CGAS: variants seen among roughly 807,000 people sequenced by gnomAD.
The protein encoded by CGAS is 2'3'-cGAMP synthase.
CGAS carries 31 observed loss-of-function variants against 34.0 expected under a neutral mutation model. The observed-to-expected ratio is 0.91, with a 90% CI of 0.69 to 1.23. The LOEUF (loss-of-function observed/expected upper bound fraction) is 1.23. CGAS is among the 50% of genes most tolerant of loss of function. The probability of loss-of-function intolerance (pLI) is 0.00; values close to 1 mark genes in which losing one functional copy is unlikely to be tolerated. For synonymous variants in CGAS, 266 were observed against 260.0 expected, an observed-to-expected ratio of 1.02 and a Z score of -0.22; for missense variants, 597 against 657.6, an observed-to-expected ratio of 0.91 and a Z score of 1.01.
At chr6:73,431,465 C>T (rs1452196159) in intron 3 of CGAS, among the ~76,000 whole-genome samples, 1 of 151,894 alleles carries the variant, frequency 6.6e-6, no homozygotes. Flanking sequence ...GAGCAAAACT[C>T]CCTCTCAAAA....
chr6:73,447,332 G>A (rs1267067009), intron 1 of CGAS, among the ~76,000 whole-genome samples: 2 of 151,774 alleles, frequency 1.3e-5, no homozygotes, highest in Non-Finnish European at 2.9e-5. Flanking sequence ...CACTGAGGCT[G>A]GAGTGCAATG....
rs757485304 is a variant in CGAS, at chr6:73,452,131, G to C, written c.51C>G (p.Ala17=). Residue 17 remains alanine (A), a synonymous_variant, in exon 1 of 5, where the codon GCC becomes GCG. Transcript: ENST00000370315. ...TCCGTGCGGAAGCCTTGGGGGCAGT[G>C]GCTCCGGCCTCGGAAGCTCTCTGCA... ...KAMQRASEAG[A]TAPKASARNA... is the part of the protein sequence containing the mutation. 3.2e-5 allele frequency: 51 copies of C among 1,606,632 alleles called. No individual in the cohort carries two copies. The Middle Eastern group carries it at 4.0e-3, about 127-fold the overall frequency.
At chr6:73,426,007 G>T (rs141159665) in intron 4 of CGAS, among the ~76,000 whole-genome samples, 2 of 149,918 alleles carry the variant, frequency 1.3e-5, no homozygotes, top group African/African-American at 4.9e-5. Context: ...CAAAAAAGCC[G>T]GGCGCGGTGG....
chr6:73,435,022 T>C (rs533232009), intron 3 of CGAS, among the ~76,000 whole-genome samples: 6 of 152,266 alleles, frequency 3.9e-5, no homozygotes, highest in African/African-American at 1.2e-4. Flanking sequence ...TAATGTGAGA[T>C]ATTAATAATA....
rs1212238231 is a variant in CGAS at position 73,445,853 on chromosome 6, G to A, written c.658-106C>T. On this transcript the variant is annotated intron_variant, in intron 1 of 4. Coordinates refer to ENST00000370315, the MANE Select transcript of CGAS (RefSeq NM_138441.3). Reference sequence around the variant, plus strand: ...CTTAAAACTTTACTTTAAAAAGCAAGATTCATAATGTCTATATATACCCTC... The same window carrying A: ...CTTAAAACTTTACTTTAAAAAGCAAAATTCATAATGTCTATATATACCCTC... The A allele has an allele frequency of 3.8e-6, 3 of 790,524 alleles. No homozygotes were observed. The African/African-American group carries it at 5.2e-5, about 14-fold the overall frequency. 49.0% of individuals were successfully genotyped at this position (790,524 alleles called of 1,614,324 possible). A position where few individuals can be genotyped will look rare whatever the true frequency, so the allele number is the denominator to read the frequency against.
chr6:73,434,521 A>G (rs759567259), intron 3 of CGAS, among the ~76,000 whole-genome samples: 7 of 152,344 alleles, frequency 4.6e-5, no homozygotes, highest in Non-Finnish European at 1.0e-4. Context: ...CAAAACTGTT[A>G]AAACCAAAAA....
At chr6:73,426,207 C>T (rs1770083576) in intron 4 of CGAS, among the ~76,000 whole-genome samples, 1 of 151,584 alleles carries the variant, frequency 6.6e-6, no homozygotes. Flanking sequence ...CACTTGAACC[C>T]AGGAGGCAGA....
Position 73,424,005 on chromosome 6 carries a change from G to A in CGAS, c.*1222C>T, listed in dbSNP as rs1470023592. 1 of 152,086 alleles carries A rather than the reference G, an allele frequency of 6.6e-6. No homozygotes were observed. Among genetic ancestry groups the A allele is most frequent in the Admixed American group, 6.6e-5 (1 of 15,264 alleles). 9.4% of individuals were successfully genotyped at this position (152,086 alleles called of 1,614,324 possible). A position where few individuals can be genotyped will look rare whatever the true frequency, so the allele number is the denominator to read the frequency against. On this transcript the variant is annotated 3_prime_UTR_variant, in exon 5 of 5. Transcript: ENST00000370315. Reference sequence around the variant, plus strand: ...AACAGGAAATATTTAACAAACAGCAGTTGCCTCTAGGCTGAATGCTACCTA... The same window carrying A: ...AACAGGAAATATTTAACAAACAGCAATTGCCTCTAGGCTGAATGCTACCTA...
At chr6:73,448,979 C>T (rs1334601385) in intron 1 of CGAS, among the ~76,000 whole-genome samples, 2 of 151,782 alleles carry the variant, frequency 1.3e-5, no homozygotes, top group Non-Finnish European at 2.9e-5. Context: ...ATCCCAGTTA[C>T]TCTGGAGGCT....
chr6:73,428,647 G>A (rs1770131113), intron 4 of CGAS, 62 bp downstream of exon 4: 2 of 1,473,552 alleles, frequency 1.4e-6, no homozygotes, highest in African/African-American at 1.4e-5. Flanking sequence ...CTGAGGTGTG[G>A]AGTCAACAAA....
chr6:73,447,924 G>A lies in CGAS; in HGVS notation c.658-2177C>T, dbSNP rs182484255. Among the ~76,000 whole-genome samples, 158 of 152,184 alleles carry A rather than the reference G, an allele frequency of 1.0e-3. 1 individual carries two copies. The highest frequency in any genetic ancestry group is 1.9e-3 in the Admixed American group (29 of 15,276). ...GCCAATCAAGTCATCTACACATAAC[G>A]ATTTCATCACTCTTTTTCCCATCTT... On this transcript the variant is annotated intron_variant, in intron 1 of 4. Coordinates refer to ENST00000370315, the MANE Select transcript of CGAS (RefSeq NM_138441.3).
intron 2 of CGAS, among the ~76,000 whole-genome samples, chr6:73,444,024 C>G (rs1381664694): frequency 6.6e-6 from 1 of 152,214 alleles, no homozygotes; most frequent in Non-Finnish European, 1.5e-5. Flanking sequence ...GAGTCTTGCT[C>G]TGTCGCCCAG....
At chr6:73,433,445 A>G (rs1302306169) in intron 3 of CGAS, among the ~76,000 whole-genome samples, 1 of 151,214 alleles carries the variant, frequency 6.6e-6, no homozygotes. Context: ...TTTTATAGAG[A>G]TGAAGACTCA....
Position 73,431,985 on chromosome 6 carries a change from T to C in CGAS, c.1115-3174A>G, listed in dbSNP as rs917518904. On this transcript the variant is annotated intron_variant, in intron 3 of 4. Transcript: ENST00000370315. Reference sequence around the variant, plus strand: ...GCGGGACCAGAAGCATACATCACCATGGCTGGCTAATTTTTGGATTTTTTT... The same window carrying C: ...GCGGGACCAGAAGCATACATCACCACGGCTGGCTAATTTTTGGATTTTTTT... Among the ~76,000 whole-genome samples, 7 of 151,996 alleles carry C rather than the reference T, an allele frequency of 4.6e-5. No homozygotes were observed. In the South Asian group the frequency reaches 1.0e-3, roughly 23 times the overall value.
intron 3 of CGAS, among the ~76,000 whole-genome samples, chr6:73,429,198 A>AAAAG (rs944728952): frequency 6.6e-6 from 1 of 151,878 alleles, no homozygotes; most frequent in Non-Finnish European, 1.5e-5. Context: ...CAAAAAAAAA[A>AAAAG]AAAGAAAGAA....
rs369968049 is a variant in CGAS at position 73,451,873 on chromosome 6, C to T, written c.309G>A (p.Glu103=). ...CCCGAGCCGCAGGAGGCTCCAGCCC[C>T]TCTGCCCCAGGGGCGCTGGTGGCGT... The part of the protein sequence containing the change: ...PSDATSAPGA[E]GLEPPAAREP... The change falls in exon 1 of 5, where the codon GAG becomes GAA. Residue 103 remains glutamate (E), a synonymous_variant. Coordinates refer to ENST00000370315, the MANE Select transcript of CGAS (RefSeq NM_138441.3). 4.5e-6 allele frequency: 7 copies of T among 1,546,238 alleles called. No homozygotes were observed. Among genetic ancestry groups the T allele is most frequent in the East Asian group, 4.9e-5 (2 of 40,754 alleles).
rs182440826 is a variant in CGAS, at chr6:73,429,751, G to A, written c.1115-940C>T. ...TGAGGCAGGAGAATGGCGCGAACCC[G>A]GGAGGTGGAGCTTGCAGTGAGCGGA... On this transcript the variant is annotated intron_variant, in intron 3 of 4. Transcript: ENST00000370315. Among the ~76,000 whole-genome samples the A allele has an allele frequency of 4.9e-4, 74 of 152,026 alleles. No homozygotes were observed. The East Asian group carries it at 0.012, about 24-fold the overall frequency.
Position 73,446,453 on chromosome 6 carries a change from C to T in CGAS, c.658-706G>A, listed in dbSNP as rs1367242437. Among the ~76,000 whole-genome samples the T allele has an allele frequency of 8.1e-4, 90 of 111,636 alleles. 4 individuals are homozygous for T. Among genetic ancestry groups the T allele is most frequent in the African/African-American group, 3.0e-3 (81 of 27,454 alleles). 73.2% of individuals were successfully genotyped at this position (111,636 alleles called of 152,430 possible). A position where few individuals can be genotyped will look rare whatever the true frequency, so the allele number is the denominator to read the frequency against. Reference sequence around the variant, plus strand: ...TGAAAAAAAAAAATCGGGCCGGGCGCGGTGGCTCACGCCTGTAATCCCAGC... The same window carrying T: ...TGAAAAAAAAAAATCGGGCCGGGCGTGGTGGCTCACGCCTGTAATCCCAGC... On this transcript the variant is annotated intron_variant, in intron 1 of 4. Transcript: ENST00000370315.
chr6:73,445,484 T>G (rs754758753), intron 2 of CGAS, 44 bp downstream of exon 2: 1 of 1,372,422 alleles, frequency 7.3e-7, no homozygotes. Context: ...TGGCAATTAC[T>G]AGGTATAATT....
Sources: gnomAD v4.1 joint callset for allele counts (sites outside exome capture counted in the v4.1 genomes callset) on GRCh38, gnomAD v4.1.1 for gene constraint, MANE v1.5 for transcripts, NCBI Gene and HGNC (gene_info 2026-07-23, HGNC 2026-07-21) for gene names.